TTLL5: variants seen among roughly 807,000 people sequenced by gnomAD.
The protein encoded by TTLL5 is tubulin tyrosine ligase like 5.
A neutral mutation model predicts 168.4 loss-of-function variants in TTLL5; 132 were observed. The observed-to-expected ratio is 0.78, with a 90% CI of 0.68 to 0.91. The LOEUF (loss-of-function observed/expected upper bound fraction) is 0.91, where lower values mean the gene tolerates loss of function less well. Among genes scored for constraint, TTLL5 ranks in the 40% least tolerant of loss-of-function variants. The pLI is 0.00. For synonymous variants in TTLL5, 546 were observed against 558.6 expected (o/e 0.98, Z 0.32); for missense variants, 1,545 against 1,581.5 (o/e 0.98, Z 0.39).
At chr14:75,846,194 T>C (rs915643419) in intron 28 of TTLL5, among the ~76,000 whole-genome samples, 1 of 152,236 alleles carries the variant, frequency 6.6e-6, no homozygotes, top group African/African-American at 2.4e-5. Flanking sequence ...CTTTGTATGC[T>C]GACTCTCCTG....
At chr14:75,814,800 A>G (rs761340859) in intron 27 of TTLL5, 10 of 152,230 alleles carry the variant, frequency 6.6e-5, no homozygotes, top group African/African-American at 9.6e-5. Context: ...GTGCTGTGCA[A>G]TAAGGTAACC....
rs143634832 is a variant in TTLL5 at position 75,839,500 on chromosome 14, G to A, written c.3326+19339G>A. 2.2e-4 allele frequency among the ~76,000 whole-genome samples: 34 copies of A among 152,310 alleles called. 1 individual carries two copies. In the East Asian group the frequency reaches 5.2e-3, roughly 23 times the overall value. On this transcript the variant is annotated intron_variant, in intron 28 of 31. Transcript: ENST00000298832. ...TTGACTCACAGTTTCACATGGCTGG[G>A]GAGGCTTCAGGAAACTTACAATCAT...
intron 9 of TTLL5, among the ~76,000 whole-genome samples, chr14:75,716,635 G>T (rs1303908545): frequency 6.6e-6 from 1 of 151,720 alleles, no homozygotes; most frequent in Non-Finnish European, 1.5e-5. Context: ...TATGCCTCTT[G>T]GGAAAACCAC....
intron 3 of TTLL5, among the ~76,000 whole-genome samples, chr14:75,674,050 T>C (rs1883957975): frequency 6.6e-6 from 1 of 152,218 alleles, no homozygotes; most frequent in African/African-American, 2.4e-5. Flanking sequence ...CGGACCCTTC[T>C]TTTTTAGAAT....
At chr14:75,685,086 A>G (rs548104822) in intron 5 of TTLL5, 1 of 152,186 alleles carries the variant, frequency 6.6e-6, no homozygotes, top group African/African-American at 2.4e-5. Context: ...CAATATACTT[A>G]AAAGTGTGGT....
chr14:75,743,575 C>CTTTTTTTTTTTTT (rs33959405), intron 15 of TTLL5, among the ~76,000 whole-genome samples: 1 of 63,098 alleles, frequency 1.6e-5, no homozygotes. Context: ...TGGCATCGCT[C>CTTTTTTTTTTTTT]TTTTTTTTTT....
chr14:75,755,062 C>G (rs140693740), intron 18 of TTLL5, among the ~76,000 whole-genome samples: 2 of 151,940 alleles, frequency 1.3e-5, no homozygotes, highest in Non-Finnish European at 2.9e-5. Flanking sequence ...GTCGGGAGTT[C>G]GAGACCAGCC....
chr14:75,683,704 TG>T (rs1331628991), intron 5 of TTLL5, 48 bp downstream of exon 5: 2 of 1,431,278 alleles, frequency 1.4e-6, no homozygotes, highest in South Asian at 1.1e-5. Context: ...TACATGACAT[TG>T]GGGCATGTAG....
At chr14:75,688,599 G>A (rs1411024406) in intron 5 of TTLL5, among the ~76,000 whole-genome samples, 4 of 152,236 alleles carry the variant, frequency 2.6e-5, no homozygotes, top group Admixed American at 2.6e-4. Flanking sequence ...ACAACTTGGG[G>A]CTTGCTATTG....
chr14:75,713,382 A>G (rs910615505), intron 9 of TTLL5, among the ~76,000 whole-genome samples: 1 of 152,210 alleles, frequency 6.6e-6, no homozygotes, highest in African/African-American at 2.4e-5. Flanking sequence ...TGTATTATCT[A>G]TCCTAGGTGT....
At chr14:75,873,080 T>G (rs1163213802) in intron 29 of TTLL5, among the ~76,000 whole-genome samples, 1 of 151,028 alleles carries the variant, frequency 6.6e-6, no homozygotes, top group Non-Finnish European at 1.5e-5. Context: ...AGAACTTTTT[T>G]TTTTTTTTTT....
rs149201171 is a variant in TTLL5, at chr14:75,759,640, C to G, written c.1551-4975C>G. ...AACATAGACACAAAATTTCTTAATA[C>G]TAGCAAATCTAATCTGCCATTATAA... is the stretch of plus-strand genomic sequence containing the variant. On this transcript the variant is annotated intron_variant, in intron 18 of 31. Coordinates refer to ENST00000298832, the MANE Select transcript of TTLL5 (RefSeq NM_015072.5). Among the ~76,000 whole-genome samples, 936 of 152,168 alleles carry G rather than the reference C, an allele frequency of 6.2e-3. 6 individuals are homozygous for G. The highest frequency in any genetic ancestry group is 9.0e-3 in the Non-Finnish European group (612 of 67,920).
At chr14:75,669,771 T>A (rs1484619493) in intron 3 of TTLL5, among the ~76,000 whole-genome samples, 1 of 152,202 alleles carries the variant, frequency 6.6e-6, no homozygotes, top group Non-Finnish European at 1.5e-5. Context: ...CTAACAAAAT[T>A]TACCATTTTA....
At chr14:75,833,940 C>T (rs1256525939) in intron 28 of TTLL5, among the ~76,000 whole-genome samples, 1 of 152,054 alleles carries the variant, frequency 6.6e-6, no homozygotes, top group African/African-American at 2.4e-5. Context: ...TGCTATTATC[C>T]CAGATAGAGG....
chr14:75,690,782 G>A (rs899379482), intron 6 of TTLL5, among the ~76,000 whole-genome samples: 3 of 152,048 alleles, frequency 2.0e-5, no homozygotes, highest in African/African-American at 7.2e-5. Context: ...ATTAGGCTCA[G>A]CTAATTTTTT....
At chr14:75,767,419 G>A (rs527296745) in intron 20 of TTLL5, among the ~76,000 whole-genome samples, 1 of 152,334 alleles carries the variant, frequency 6.6e-6, no homozygotes, top group South Asian at 2.1e-4. Flanking sequence ...ATTGGGCAGA[G>A]TTACTTAATT....
intron 12 of TTLL5, among the ~76,000 whole-genome samples, chr14:75,722,714 G>T (rs542407275): frequency 1.3e-5 from 2 of 151,882 alleles, no homozygotes; most frequent in African/African-American, 4.8e-5. Context: ...TGGCGCAATC[G>T]TATTTAGCTC....
chr14:75,886,913 T>C, intron 30 of TTLL5: 1 of 1,446,484 alleles, frequency 6.9e-7, no homozygotes. Flanking sequence ...AAACTCAGAC[T>C]GAATGAATTT....
At chr14:75,796,335 G>A (rs539260118) in intron 27 of TTLL5, among the ~76,000 whole-genome samples, 1 of 152,122 alleles carries the variant, frequency 6.6e-6, no homozygotes, top group Admixed American at 6.5e-5. Context: ...GTCCTTTGTT[G>A]GATGCATAGT....
Sources: gnomAD v4.1 joint callset for allele counts (sites outside exome capture counted in the v4.1 genomes callset) on GRCh38, gnomAD v4.1.1 for gene constraint, MANE v1.5 for transcripts, NCBI Gene and HGNC (gene_info 2026-07-23, HGNC 2026-07-21) for gene names.